The following YPEL2 variants were observed in gnomAD, a reference collection of about 807,000 sequenced individuals.
The protein encoded by YPEL2 is yippee like 2.
In YPEL2, 2 loss-of-function variants were observed where a neutral mutation model predicts 19.1. The ratio of observed to expected loss-of-function variants is 0.10; its 90% CI spans 0.04 to 0.33. YPEL2 has a LOEUF of 0.33. Among genes scored for constraint, YPEL2 ranks in the 10% least tolerant of loss-of-function variants. The pLI is 1.00. For synonymous variants in YPEL2, 52 were observed against 50.0 expected (o/e 1.04, Z -0.17); for missense variants, 66 against 140.7 (o/e 0.47, Z 2.68).
rs59948891 is a variant in YPEL2, at chr17:59,370,748, C to CACAGAGGAACGG, written c.117+17230_117+17231insACGGACAGAGGA. 7.3e-4 allele frequency among the ~76,000 whole-genome samples: 111 copies of CACAGAGGAACGG among 151,652 alleles called. 1 individual carries two copies. Among genetic ancestry groups the CACAGAGGAACGG allele is most frequent in the African/African-American group, 2.6e-3 (107 of 41,320 alleles). On this transcript the variant is annotated intron_variant, in intron 2 of 4. Transcript: ENST00000312655. ...TTTGCTGGCCCATCGAGCCATGGCACACAGAGGAGGGGCACAGGTGGCCCT... is the reference window on the plus strand; with the variant it reads ...TTTGCTGGCCCATCGAGCCATGGCACACAGAGGAACGGACAGAGGAGGGGCACAGGTGGCCCT...
intron 2 of YPEL2, among the ~76,000 whole-genome samples, chr17:59,371,412 C>T (rs963707733): frequency 1.7e-4 from 26 of 152,340 alleles, no homozygotes; most frequent in Non-Finnish European, 2.9e-4. Context: ...TGGAACATGG[C>T]TTGGCTGGGG....
At chr17:59,388,870 G>T in intron 3 of YPEL2, 1 of 189,202 alleles carries the variant, frequency 5.3e-6, no homozygotes, top group South Asian at 1.2e-4. Context: ...CTGTAAAAAT[G>T]AAAATCTGGC....
In YPEL2 at chr17:59,393,510, T is replaced by TTTTA. The variant is rs1372184039; in HGVS notation, c.271-3575_271-3572dup. Among the ~76,000 whole-genome samples the TTTTA allele has an allele frequency of 6.0e-5, 9 of 150,244 alleles. No individual in the cohort carries two copies. In the East Asian group the frequency reaches 7.7e-4, roughly 13 times the overall value. On this transcript the variant is annotated intron_variant, in intron 4 of 4. Coordinates refer to ENST00000312655, the MANE Select transcript of YPEL2 (RefSeq NM_001005404.4). ...TTTTATTTTATTTTTTATTTTTTTA[T>TTTTA]TTTATTTATTTATTTATTTTTTATT...
rs2048048749 is a variant in YPEL2 at position 59,397,852 on chromosome 17, G to A, written c.*662G>A. The A allele has an allele frequency of 6.6e-6, 1 of 152,458 alleles. No homozygotes were observed. The highest frequency in any genetic ancestry group is 2.4e-5 in the African/African-American group (1 of 41,456). The allele number at this position is 152,458 out of a possible 1,614,324, so 9.4% of individuals were successfully genotyped here. On this transcript the variant is annotated 3_prime_UTR_variant, in exon 5 of 5. Coordinates refer to ENST00000312655, the MANE Select transcript of YPEL2 (RefSeq NM_001005404.4). ...GTTCTCCTGGGCTGAGTGGGGGAGT[G>A]TCCTGGCAGCAGCGAGTGACCTGGG... is the stretch of plus-strand genomic sequence containing the variant.
At chr17:59,396,350 A>T (rs144960170) in intron 4 of YPEL2, among the ~76,000 whole-genome samples, 4 of 152,382 alleles carry the variant, frequency 2.6e-5, no homozygotes, top group Non-Finnish European at 5.9e-5. Context: ...TTTATATTGT[A>T]GTCATGGGAG....
chr17:59,340,601 G>T (rs1419192805), intron 1 of YPEL2, among the ~76,000 whole-genome samples: 2 of 151,610 alleles, frequency 1.3e-5, no homozygotes, highest in African/African-American at 4.8e-5. Flanking sequence ...ACTTTCAGTA[G>T]AGACGGGGTT....
chr17:59,359,968 C>T (rs1040737883), intron 2 of YPEL2, among the ~76,000 whole-genome samples: 5 of 151,776 alleles, frequency 3.3e-5, no homozygotes, highest in African/African-American at 9.7e-5. Flanking sequence ...GGTGCGATCT[C>T]GGCTCACTGC....
chr17:59,350,022 T>C (rs992622253), intron 1 of YPEL2, among the ~76,000 whole-genome samples: 1 of 152,186 alleles, frequency 6.6e-6, no homozygotes. Context: ...TTTCTTCTAG[T>C]TTGTCCTGTA....
chr17:59,336,007 A>G (rs2047696986), intron 1 of YPEL2, among the ~76,000 whole-genome samples: 1 of 152,146 alleles, frequency 6.6e-6, no homozygotes, highest in Non-Finnish European at 1.5e-5. Flanking sequence ...CCGTCTGGAA[A>G]TATATTATCT....
chr17:59,348,484 G>C (rs1406232846), intron 1 of YPEL2, among the ~76,000 whole-genome samples: 1 of 152,234 alleles, frequency 6.6e-6, no homozygotes, highest in African/African-American at 2.4e-5. Flanking sequence ...GTTGGCCGGG[G>C]AGGCGGCATG....
At chr17:59,389,184 T>C (rs1455709122) in intron 3 of YPEL2, 176 bp from the exon 4 acceptor site, 1 of 567,162 alleles carries the variant, frequency 1.8e-6, no homozygotes, top group Non-Finnish European at 3.2e-6. Context: ...TGAATTTCCT[T>C]CCAGCTGAGA....
At position 59,400,102 on chromosome 17, in the gene YPEL2, CATTAGTCTCAGGCTGCTGATGGAT is replaced by C. The variant is rs2048062718; in HGVS notation, c.*2913_*2936del. ...GACCCAGACCCCTCGGGACCCGGGA[CATTAGTCTCAGGCTGCTGATGGAT>C]TGATTTGACATGAACCAAACACAGC... On this transcript the variant is annotated 3_prime_UTR_variant, in exon 5 of 5. Transcript: ENST00000312655. 2.6e-5 allele frequency: 4 copies of C among 152,606 alleles called. No individual in the cohort carries two copies. The highest frequency in any genetic ancestry group is 2.6e-4 in the Admixed American group (4 of 15,268). 9.5% of individuals were successfully genotyped at this position (152,606 alleles called of 1,614,324 possible).
In YPEL2 at chr17:59,353,449, C is replaced by T. The variant is rs1280958493; in HGVS notation, c.40C>T (p.Leu14=). ...MTRSKTFQAY[L]PSCHRTYSCI... is the part of the protein sequence containing the mutation. ...AAGATCGAAGACTTTCCAGGCATAT[C>T]TGCCCTCCTGCCACCGGACCTACAG... Residue 14 remains leucine, a synonymous_variant, in exon 2 of 5, where the codon CTG becomes TTG. Transcript: ENST00000312655. This position sits in a 1 kb window ranked among gnomAD's most constrained non-coding sequence, Gnocchi z 4.8. 3 of 1,610,538 alleles carry T rather than the reference C, an allele frequency of 1.9e-6. No homozygotes were observed. Among genetic ancestry groups the T allele is most frequent in the Non-Finnish European group, 1.7e-6 (2 of 1,177,910 alleles).
In YPEL2 at chr17:59,397,197, A is replaced by G. The variant is rs2048043946; in HGVS notation, c.*7A>G. ...GGACAATGGCTGGGACTGATTGGACAGCATCTACCCAACCCAGTGTCCACG... is the reference window on the plus strand; with the variant it reads ...GGACAATGGCTGGGACTGATTGGACGGCATCTACCCAACCCAGTGTCCACG... On this transcript the variant is annotated 3_prime_UTR_variant, in exon 5 of 5. Coordinates refer to ENST00000312655, the MANE Select transcript of YPEL2 (RefSeq NM_001005404.4). 1 of 1,599,196 alleles carries G rather than the reference A, an allele frequency of 6.3e-7. No individual in the cohort carries two copies. The highest frequency in any genetic ancestry group is 8.5e-7 in the Non-Finnish European group (1 of 1,172,690).
chr17:59,341,810 C>A (rs2047732661), intron 1 of YPEL2, among the ~76,000 whole-genome samples: 1 of 152,146 alleles, frequency 6.6e-6, no homozygotes, highest in African/African-American at 2.4e-5. Flanking sequence ...TCTGCTATTC[C>A]CATTCAGAGA....
chr17:59,355,523 C>G (rs908869318), intron 2 of YPEL2: 3 of 152,214 alleles, frequency 2.0e-5, no homozygotes, highest in Non-Finnish European at 4.4e-5. Flanking sequence ...CCTGAATATG[C>G]AGGTATGGGT....
At chr17:59,376,072 T>C (rs1463808731) in intron 2 of YPEL2, among the ~76,000 whole-genome samples, 1 of 152,218 alleles carries the variant, frequency 6.6e-6, no homozygotes, top group Non-Finnish European at 1.5e-5. Context: ...ACATCCTATA[T>C]ACCTGTCAGT....
intron 2 of YPEL2, among the ~76,000 whole-genome samples, chr17:59,366,722 G>A (rs1229336509): frequency 8.5e-5 from 13 of 152,210 alleles, no homozygotes. Flanking sequence ...CCAAACGACA[G>A]GTACAACTCT....
intron 2 of YPEL2, chr17:59,366,014 T>A (rs1278950318): frequency 6.6e-6 from 1 of 152,190 alleles, no homozygotes; most frequent in Non-Finnish European, 1.5e-5. Context: ...AAAAGGAAAA[T>A]TCTCTATCTT....
Sources: allele counts gnomAD v4.1 joint callset (sites outside exome capture counted in the v4.1 genomes callset), GRCh38; gene constraint gnomAD v4.1.1; non-coding constraint Gnocchi (gnomAD v3.1); transcripts MANE v1.5; gene names NCBI Gene and HGNC (gene_info 2026-07-23, HGNC 2026-07-21).